The following HPS4 variants were observed in gnomAD, a reference collection of about 807,000 sequenced individuals.
HPS4 encodes the protein HPS4 biogenesis of lysosomal organelles complex 3 subunit 2.
Under a neutral mutation model 70.3 loss-of-function variants are expected in HPS4, and 44 were observed. The observed-to-expected ratio is 0.63, with a 90% CI of 0.49 to 0.80. The LOEUF is 0.80. Among genes scored for constraint, HPS4 ranks in the 30% least tolerant of loss-of-function variants. The pLI, the probability that HPS4 is intolerant of heterozygous loss-of-function variation, is 0.00. For synonymous variants in HPS4, 377 were observed against 355.9 expected, an observed-to-expected ratio of 1.06 and a Z score of -0.67; for missense variants, 873 against 884.4, an observed-to-expected ratio of 0.99 and a Z score of 0.16.
Position 26,464,634 on chromosome 22 carries a change from A to G in HPS4, c.996T>C (p.Asp332=), listed in dbSNP as rs775959392. The change falls in exon 11 of 14, where the codon GAT becomes GAC. Residue 332 remains aspartate (D), a synonymous_variant. Coordinates refer to ENST00000398145, the MANE Select transcript of HPS4 (RefSeq NM_022081.6). The part of the protein sequence containing the change: ...RKENGCLSGH[D]LESIRPAGLH... The stretch of plus-strand genomic sequence containing the variant: ...GTCCTGCGGGCCTGATGCTCTCCAG[A>G]TCATGGCCAGACAAGCATCCGTTCT... 6.2e-7 allele frequency: 1 copy of G among 1,613,782 alleles called. No individual in the cohort carries two copies. The highest frequency in any genetic ancestry group is 8.5e-7 in the Non-Finnish European group (1 of 1,179,636).
At chr22:26,449,663 G>A (rs757880578), downstream of HPS4, among the ~76,000 whole-genome samples, 1 of 152,058 alleles carries the variant, frequency 6.6e-6, no homozygotes, top group African/African-American at 2.4e-5. Flanking sequence ...CCTGTGCCCC[G>A]CGCCATGGCA....
At position 26,457,924 on chromosome 22, in the gene HPS4, G is replaced by A. The variant is rs201385335; in HGVS notation, c.1890C>T (p.Leu630=). 3.1e-5 allele frequency: 50 copies of A among 1,614,166 alleles called. No homozygotes were observed. The highest frequency in any genetic ancestry group is 4.1e-5 in the Non-Finnish European group (48 of 1,180,042). The stretch of plus-strand genomic sequence containing the variant: ...CGCTATGCATCAGGCTGACGGCCTG[G>A]AGGAAGCGGCGATCCTGCGGGGTGG... ...QVATPQDRRF[L]QAVSLMHSEF... is the part of the protein sequence containing the mutation. The change falls in exon 13 of 14, where the codon CTC becomes CTT. Residue 630 remains leucine, a synonymous_variant. Transcript: ENST00000398145.
At chr22:26,443,284 C>T (rs1381975698), downstream of HPS4, 11 of 1,232,994 alleles carry the variant, frequency 8.9e-6, no homozygotes, top group African/African-American at 1.0e-4. Context: ...CAGTCCCTAC[C>T]GGTGTTGTTT....
At chr22:26,470,581 A>C in intron 7 of HPS4, 138 bp downstream of exon 7, 3 of 770,618 alleles carry the variant, frequency 3.9e-6, no homozygotes, top group South Asian at 3.0e-5. Flanking sequence ...AGTCAAATCT[A>C]AACTACCTGA....
In HPS4 at chr22:26,467,458, A is replaced by G. The variant is rs569475667; in HGVS notation, c.669+1093T>C. The G allele has an allele frequency of 6.6e-5, 10 of 152,352 alleles. No individual in the cohort carries two copies. In the South Asian group the frequency reaches 2.1e-3, roughly 32 times the overall value. The allele number at this position is 152,352 out of a possible 1,614,324, so 9.4% of individuals were successfully genotyped here. Reference sequence around the variant, plus strand: ...CACTTTCATAAAGCTTGTTGTGATCAAGTTTTGAGTATAAATTTTTTTCAG... The same window carrying G: ...CACTTTCATAAAGCTTGTTGTGATCGAGTTTTGAGTATAAATTTTTTTCAG... On this transcript the variant is annotated intron_variant, in intron 8 of 13. Coordinates refer to ENST00000398145, the MANE Select transcript of HPS4 (RefSeq NM_022081.6).
chr22:26,458,562 C>G lies in HPS4; in HGVS notation c.1729G>C (p.Ala577Pro), dbSNP rs778239048. The change falls in exon 12 of 14, where the codon GCT becomes CCT. Residue 577 changes from alanine to proline, a missense_variant. By Grantham distance (27) the Ala-to-Pro change is conservative. Coordinates refer to ENST00000398145, the MANE Select transcript of HPS4 (RefSeq NM_022081.6). ...AIEEVYHSSL[A>P]SLNGLEVHLK... Reference sequence around the variant, plus strand: ...TGGACTTCCAGCCCATTCAGTGAAGCCAGGCTGCTGTGGTACTGCAAAGGG... The same window carrying G: ...TGGACTTCCAGCCCATTCAGTGAAGGCAGGCTGCTGTGGTACTGCAAAGGG... 6.2e-6 allele frequency: 10 copies of G among 1,613,982 alleles called. No individual in the cohort carries two copies. The Admixed American group carries it at 1.2e-4, about 19-fold the overall frequency.
In HPS4 at chr22:26,463,973, G is replaced by C; in HGVS notation, c.1657C>G (p.Leu553Val). ...LYTHCVKGLV[L>V]SLLAEEPLLG... ...AGCGGCTCCTCAGCCAGCAGGGACA[G>C]CACCAGCCCTTTGACGCAGTGAGTG... The change falls in exon 11 of 14, where the codon CTG becomes GTG. Residue 553 changes from leucine (L) to valine (V), a missense_variant. Physicochemically the swap from Leu to Val is conservative, Grantham distance 32. Transcript: ENST00000398145. 6.2e-7 allele frequency: 1 copy of C among 1,614,204 alleles called. No homozygotes were observed. The highest frequency in any genetic ancestry group is 1.1e-5 in the South Asian group (1 of 91,084).
In HPS4 at chr22:26,464,228, G is replaced by T. The variant is rs763704933; in HGVS notation, c.1402C>A (p.Pro468Thr). ...ADPLPRRTRR[P>T]LLLPRLDPGQ... ...GGATCTAAGCGAGGCAATAACAAGG[G>T]CCTGCGGGTCCTTCTGGGGAGAGGG... is the stretch of plus-strand genomic sequence containing the variant. The change falls in exon 11 of 14, where the codon CCC (proline) becomes ACC (threonine). Residue 468 changes from proline to threonine, a missense_variant. Coordinates refer to ENST00000398145, the MANE Select transcript of HPS4 (RefSeq NM_022081.6). The T allele has an allele frequency of 3.1e-6, 5 of 1,614,206 alleles. No individual in the cohort carries two copies.
intron 13 of HPS4, among the ~76,000 whole-genome samples, chr22:26,457,629 A>G (rs1430560665): frequency 2.0e-5 from 3 of 152,240 alleles, no homozygotes; most frequent in African/African-American, 7.2e-5. Context: ...AGGTTCCTTC[A>G]CTGCTGGACC....
At chr22:26,471,111 G>T in intron 6 of HPS4, 1 of 477,356 alleles carries the variant, frequency 2.1e-6, no homozygotes, top group Non-Finnish European at 3.9e-6. Context: ...GATGGCCTGG[G>T]AGACCGACTG....
intron 12 of HPS4, 96 bp from the exon 13 acceptor site, chr22:26,458,063 G>T: frequency 9.4e-7 from 1 of 1,066,852 alleles, no homozygotes; most frequent in Non-Finnish European, 1.4e-6. Flanking sequence ...ACTGAGCACG[G>T]CTCAAGGCCA....
intron 2 of HPS4, among the ~76,000 whole-genome samples, chr22:26,480,859 A>G (rs1408596044): frequency 6.6e-6 from 1 of 152,156 alleles, no homozygotes; most frequent in Non-Finnish European, 1.5e-5. Context: ...TTGAGGCTAC[A>G]GTGACCTGAG....
At chr22:26,476,434 A>G (rs189954250) in intron 4 of HPS4, 3 of 153,712 alleles carry the variant, frequency 2.0e-5, no homozygotes, top group Admixed American at 1.3e-4. Context: ...CTGCAGCCTG[A>G]AACTCCTAAG....
Position 26,464,846 on chromosome 22 carries a change from TAAGG to T in HPS4, c.804-24_804-21del. ...AGAGACCTGGCAAACAAGAGAGATGTAAGGAAGGGGCACGTTGACAGACTGCAGG... is the reference window on the plus strand; with the variant it reads ...AGAGACCTGGCAAACAAGAGAGATGTAAGGGGCACGTTGACAGACTGCAGG... On this transcript the variant is annotated intron_variant, in intron 10 of 13. Coordinates refer to ENST00000398145, the MANE Select transcript of HPS4 (RefSeq NM_022081.6). 1 of 1,583,244 alleles carries T rather than the reference TAAGG, an allele frequency of 6.3e-7. No individual in the cohort carries two copies. Among genetic ancestry groups the T allele is most frequent in the Non-Finnish European group, 8.6e-7 (1 of 1,168,634 alleles).
intron 11 of HPS4, among the ~76,000 whole-genome samples, chr22:26,460,158 T>C (rs967504464): frequency 7.9e-5 from 12 of 152,244 alleles, no homozygotes; most frequent in African/African-American, 2.9e-4. Context: ...TGACTCCTAG[T>C]AGGTGCTCAA....
At chr22:26,465,639 C>T in intron 9 of HPS4, 88 bp from the exon 10 acceptor site, 1 of 1,091,214 alleles carries the variant, frequency 9.2e-7, no homozygotes, top group Admixed American at 1.7e-5. Context: ...ATGCATCCAA[C>T]CCACACGTGG....
intron 2 of HPS4, chr22:26,479,723 G>A: frequency 4.7e-6 from 5 of 1,061,800 alleles, no homozygotes; most frequent in Non-Finnish European, 5.7e-6. Flanking sequence ...AATAAGTTAG[G>A]GATGTATTAG....
rs772632659 is a variant in HPS4, at chr22:26,458,489, G to A, written c.1802C>T (p.Thr601Ile). ...GCGGTCGTAATGTGTGAAGTTGTAG[G>A]TGCTGCTCGTGGAGGCTGCCTCATC... ...PRDEAASTSS[T>I]YNFTHYDRIQ... Residue 601 changes from threonine to isoleucine, a missense_variant, in exon 12 of 14, where the codon ACC (threonine) becomes ATC (isoleucine). By Grantham distance (89) the Thr-to-Ile change is moderately conservative (BLOSUM62 -1). Transcript: ENST00000398145. 6.8e-6 allele frequency: 11 copies of A among 1,614,022 alleles called. No individual in the cohort carries two copies. Among genetic ancestry groups the A allele is most frequent in the African/African-American group, 1.3e-5 (1 of 74,904 alleles).
intron 2 of HPS4, 149 bp from the exon 3 acceptor site, chr22:26,479,504 C>A (rs1252037791): frequency 1.4e-6 from 2 of 1,457,632 alleles, no homozygotes; most frequent in East Asian, 5.0e-5. Context: ...ACCCCAGTAG[C>A]TACAAATTAG....
Sources: allele counts gnomAD v4.1 joint callset (sites outside exome capture counted in the v4.1 genomes callset), GRCh38; gene constraint gnomAD v4.1.1; transcripts MANE v1.5; gene names NCBI Gene and HGNC (gene_info 2026-07-23, HGNC 2026-07-21).